GRM7: variants seen among roughly 807,000 people sequenced by gnomAD.
GRM7 encodes the protein metabotropic glutamate receptor 7.
GRM7 carries 35 observed loss-of-function variants against 84.5 expected under a neutral mutation model. That is an observed-to-expected ratio of 0.41 (90% CI 0.32 to 0.55). The LOEUF is 0.55. Among genes scored for constraint, GRM7 ranks in the 20% least tolerant of loss-of-function variants. The pLI is 0.19. For synonymous variants in GRM7, 487 were observed against 455.1 expected, an observed-to-expected ratio of 1.07 and a Z score of -0.89; for missense variants, 1,003 against 1,194.6, an observed-to-expected ratio of 0.84 and a Z score of 2.36.
intron 1 of GRM7, among the ~76,000 whole-genome samples, chr3:6,994,049 G>T (rs181500356): frequency 6.6e-6 from 1 of 152,054 alleles, no homozygotes; most frequent in Non-Finnish European, 1.5e-5. Flanking sequence ...TGGAAATTTG[G>T]CAAATAACAT....
intron 2 of GRM7, among the ~76,000 whole-genome samples, chr3:7,173,354 G>GA (rs1235378012): frequency 6.6e-6 from 1 of 152,150 alleles, no homozygotes; most frequent in Non-Finnish European, 1.5e-5. Flanking sequence ...AGGGACATCA[G>GA]AAAAAACTTA....
chr3:7,204,379 T>C (rs1696164854), intron 2 of GRM7, among the ~76,000 whole-genome samples: 1 of 152,222 alleles, frequency 6.6e-6, no homozygotes, highest in African/African-American at 2.4e-5. Context: ...AGAGCAAAAA[T>C]CTACTGAGTT....
intron 7 of GRM7, among the ~76,000 whole-genome samples, chr3:7,466,416 T>A (rs1008134259): frequency 1.3e-5 from 2 of 152,158 alleles, no homozygotes; most frequent in Admixed American, 6.5e-5. Context: ...GAATAAATAA[T>A]GCAGTAATAT....
At chr3:7,439,340 C>T (rs146264784) in intron 5 of GRM7, among the ~76,000 whole-genome samples, 105 of 152,272 alleles carry the variant, frequency 6.9e-4, no homozygotes, top group South Asian at 2.3e-3. Flanking sequence ...TTTCTAAGGT[C>T]GGAGTCCTCT....
At chr3:7,514,133 G>C (rs986160618) in intron 7 of GRM7, among the ~76,000 whole-genome samples, 1 of 152,232 alleles carries the variant, frequency 6.6e-6, no homozygotes, top group Non-Finnish European at 1.5e-5. Flanking sequence ...CCGGCATGTA[G>C]TTTGAACTCA....
intron 1 of GRM7, among the ~76,000 whole-genome samples, chr3:6,972,636 G>A (rs531954686): frequency 2.0e-5 from 3 of 152,286 alleles, no homozygotes; most frequent in Admixed American, 6.5e-5. Context: ...GCAGGATTGC[G>A]GTGAATGGGG....
At chr3:7,692,423 C>A (rs1203972021) in intron 9 of GRM7, among the ~76,000 whole-genome samples, 1 of 152,016 alleles carries the variant, frequency 6.6e-6, no homozygotes, top group Non-Finnish European at 1.5e-5. Flanking sequence ...TGGGATCCTA[C>A]CAAAAAATCA....
chr3:6,977,675 G>T (rs1281764550), intron 1 of GRM7, among the ~76,000 whole-genome samples: 1 of 152,080 alleles, frequency 6.6e-6, no homozygotes, highest in South Asian at 2.1e-4. Flanking sequence ...GTACCTTGCT[G>T]GATTTTACTA....
chr3:7,503,210 A>G (rs1479712304), intron 7 of GRM7, among the ~76,000 whole-genome samples: 1 of 152,188 alleles, frequency 6.6e-6, no homozygotes, highest in African/African-American at 2.4e-5. Flanking sequence ...GGATTTCAAA[A>G]TTTATTGAAA....
chr3:6,914,461 G>A (rs1311216664), intron 1 of GRM7, among the ~76,000 whole-genome samples: 3 of 151,786 alleles, frequency 2.0e-5, no homozygotes, highest in Non-Finnish European at 2.9e-5. Flanking sequence ...TGGAGTGAAT[G>A]GCACTGTCTT....
chr3:7,161,599 A>C (rs1329303117), intron 2 of GRM7, among the ~76,000 whole-genome samples: 1 of 152,202 alleles, frequency 6.6e-6, no homozygotes, highest in Non-Finnish European at 1.5e-5. Flanking sequence ...TTAAATCTAT[A>C]AACATTAGCT....
chr3:7,509,747 G>A (rs1312173915), intron 7 of GRM7, among the ~76,000 whole-genome samples: 1 of 152,068 alleles, frequency 6.6e-6, no homozygotes, highest in East Asian at 1.9e-4. Context: ...CTCTGAGTAC[G>A]TGACAAGCGG....
At chr3:7,063,870 C>A (rs1413225973) in intron 1 of GRM7, among the ~76,000 whole-genome samples, 1 of 151,516 alleles carries the variant, frequency 6.6e-6, no homozygotes, top group African/African-American at 2.4e-5. Flanking sequence ...AGAAGCTGTC[C>A]ATAGTGGTTA....
At chr3:7,078,352 C>A (rs1437380866) in intron 1 of GRM7, among the ~76,000 whole-genome samples, 1 of 152,122 alleles carries the variant, frequency 6.6e-6, no homozygotes, top group Non-Finnish European at 1.5e-5. Context: ...CTAACAAGCC[C>A]CTTGGGGTAT....
chr3:7,427,278 G>C (rs1356355991), intron 5 of GRM7, among the ~76,000 whole-genome samples: 1 of 152,162 alleles, frequency 6.6e-6, no homozygotes, highest in African/African-American at 2.4e-5. Context: ...AAATGTATTG[G>C]TCTCTCAGCT....
At chr3:6,897,927 G>A (rs1696244144) in intron 1 of GRM7, among the ~76,000 whole-genome samples, 1 of 152,156 alleles carries the variant, frequency 6.6e-6, no homozygotes, top group Non-Finnish European at 1.5e-5. Context: ...TAGAGGCTGT[G>A]GCCTTAAGTT....
rs114482447 is a variant in GRM7, at chr3:7,225,865, A to T, written c.737-72819A>T. Among the ~76,000 whole-genome samples the T allele has an allele frequency of 4.3e-3, 649 of 152,244 alleles. 4 individuals are homozygous for T. The highest frequency in any genetic ancestry group is 0.015 in the African/African-American group (616 of 41,560). ...TGGTACCTGGAATATCACCTCATTTAATAATCCACTTATAATGACTTTTGA... is the reference window on the plus strand; with the variant it reads ...TGGTACCTGGAATATCACCTCATTTTATAATCCACTTATAATGACTTTTGA... On this transcript the variant is annotated intron_variant, in intron 2 of 9. Transcript: ENST00000357716.
intron 9 of GRM7, among the ~76,000 whole-genome samples, chr3:7,696,120 G>A (rs1701006568): frequency 6.6e-6 from 1 of 152,108 alleles, no homozygotes; most frequent in Non-Finnish European, 1.5e-5. Flanking sequence ...TTACAGAAGA[G>A]TTCCTGTTGT....
At chr3:7,693,737 C>G in intron 9 of GRM7, 1 of 1,142,650 alleles carries the variant, frequency 8.8e-7, no homozygotes, top group Non-Finnish European at 1.3e-6. Context: ...CTTTGCTACC[C>G]AGCCCACCAA....
Sources: allele counts gnomAD v4.1 joint callset (sites outside exome capture counted in the v4.1 genomes callset), GRCh38; gene constraint gnomAD v4.1.1; transcripts MANE v1.5; gene names NCBI Gene and HGNC (gene_info 2026-07-23, HGNC 2026-07-21).